RCAN2: variants seen among roughly 807,000 people sequenced by gnomAD.
RCAN2 encodes the protein regulator of calcineurin 2, also known as calcipressin-2.
Under a neutral mutation model 23.6 loss-of-function variants are expected in RCAN2, and 9 were observed. That is an observed-to-expected ratio of 0.38 (90% confidence interval 0.23 to 0.67). The LOEUF is 0.67. Among genes scored for constraint, RCAN2 ranks in the 30% least tolerant of loss-of-function variants. The pLI, the probability that RCAN2 is intolerant of heterozygous loss-of-function variation, is 0.51. For missense variants in RCAN2, 273 were observed against 302.3 expected (o/e 0.90, Z 0.72); for synonymous variants, 109 against 115.7 (o/e 0.94, Z 0.37).
At chr6:46,238,267 C>T (rs1396065941) in intron 4 of RCAN2, among the ~76,000 whole-genome samples, 5 of 152,172 alleles carry the variant, frequency 3.3e-5, no homozygotes, top group African/African-American at 1.2e-4. Flanking sequence ...TCTTTCTGCA[C>T]ACATCGCCGA....
At chr6:46,355,593 A>G (rs1225140412) in intron 2 of RCAN2, among the ~76,000 whole-genome samples, 1 of 152,232 alleles carries the variant, frequency 6.6e-6, no homozygotes, top group Non-Finnish European at 1.5e-5. Context: ...AAAAACACTG[A>G]TGCTCCAACT....
intron 2 of RCAN2, among the ~76,000 whole-genome samples, chr6:46,388,525 A>G (rs1765834028): frequency 1.3e-5 from 2 of 152,190 alleles, no homozygotes; most frequent in Admixed American, 6.5e-5. Context: ...ACTATTTACA[A>G]TAGCAAAGAC....
rs555910049 is a variant in RCAN2, at chr6:46,476,372, T to A, written c.-3+14801A>T. 3.3e-5 allele frequency among the ~76,000 whole-genome samples: 5 copies of A among 152,292 alleles called. No individual in the cohort carries two copies. In the East Asian group the frequency reaches 9.6e-4, roughly 29 times the overall value. On this transcript the variant is annotated intron_variant, in intron 1 of 4. Transcript: ENST00000371374. The stretch of plus-strand genomic sequence containing the variant: ...ATTTTTATGGTTAGGTAAAAAATAA[T>A]CCACTGAATATTAATAACATAATTA...
intron 2 of RCAN2, among the ~76,000 whole-genome samples, chr6:46,400,866 T>C (rs1427372458): frequency 1.3e-5 from 2 of 152,140 alleles, no homozygotes; most frequent in African/African-American, 4.8e-5. Context: ...GAAGGCAAGG[T>C]GCTTTTTAAA....
chr6:46,300,836 G>A (rs1762883226), intron 2 of RCAN2, among the ~76,000 whole-genome samples: 1 of 151,920 alleles, frequency 6.6e-6, no homozygotes, highest in Admixed American at 6.6e-5. Flanking sequence ...AAACTAAAAT[G>A]AGGTCTTATT....
chr6:46,411,558 TACAG>T (rs1335662167), intron 2 of RCAN2, among the ~76,000 whole-genome samples: 2 of 152,242 alleles, frequency 1.3e-5, no homozygotes, highest in African/African-American at 2.4e-5. Flanking sequence ...AAGAAAACAG[TACAG>T]ACAAAGTTCT....
intron 4 of RCAN2, among the ~76,000 whole-genome samples, chr6:46,224,552 C>G (rs559437621): frequency 2.6e-5 from 4 of 152,158 alleles, no homozygotes; most frequent in Non-Finnish European, 5.9e-5. Flanking sequence ...ACCAAAATAG[C>G]TACTTTTACT....
intron 2 of RCAN2, among the ~76,000 whole-genome samples, chr6:46,315,776 C>T (rs2150359130): frequency 6.6e-6 from 1 of 152,278 alleles, no homozygotes; most frequent in East Asian, 1.9e-4. Context: ...ACAGCAACTT[C>T]CTGGAGGCTT....
rs1439077141 is a variant in RCAN2, at chr6:46,320,787, G to A, written c.226-71891C>T. On this transcript the variant is annotated intron_variant, in intron 2 of 4. Coordinates refer to ENST00000371374, the MANE Select transcript of RCAN2 (RefSeq NM_001251974.2). Reference sequence around the variant, plus strand: ...TTCCAAGCATATGAAGAATTACTGTGCTGAAAACACACTTCTACTTGTATT... The same window carrying A: ...TTCCAAGCATATGAAGAATTACTGTACTGAAAACACACTTCTACTTGTATT... Among the ~76,000 whole-genome samples, 5 of 152,312 alleles carry A rather than the reference G, an allele frequency of 3.3e-5. No homozygotes were observed. In the East Asian group the frequency reaches 9.6e-4, roughly 29 times the overall value.
chr6:46,368,507 T>C (rs1765237605), intron 2 of RCAN2, among the ~76,000 whole-genome samples: 1 of 152,132 alleles, frequency 6.6e-6, no homozygotes, highest in South Asian at 2.1e-4. Context: ...CATCATAGAG[T>C]GTACTTACAC....
rs148961182 is a variant in RCAN2 at position 46,458,247 on chromosome 6, A to G, written c.-2-1269T>C. 3.2e-4 allele frequency among the ~76,000 whole-genome samples: 48 copies of G among 152,346 alleles called. No individual in the cohort carries two copies. The East Asian group carries it at 9.1e-3, about 29-fold the overall frequency. On this transcript the variant is annotated intron_variant, in intron 1 of 4. Coordinates refer to ENST00000371374, the MANE Select transcript of RCAN2 (RefSeq NM_001251974.2). ...CTAGATACAAATTCCAGATCCCCAG[A>G]CAAAATATCAGTTTCTGCTTATCTC...
intron 2 of RCAN2, among the ~76,000 whole-genome samples, chr6:46,422,713 A>G (rs1766917443): frequency 6.6e-6 from 1 of 152,200 alleles, no homozygotes. Context: ...AGCCAAGGCT[A>G]TGGGAACAAT....
chr6:46,470,380 C>T (rs1245504129), intron 1 of RCAN2, among the ~76,000 whole-genome samples: 2 of 152,214 alleles, frequency 1.3e-5, no homozygotes, highest in Non-Finnish European at 2.9e-5. Context: ...CAGCCAACAA[C>T]ATTGAAGTGC....
At chr6:46,300,757 G>A (rs1320441141) in intron 2 of RCAN2, among the ~76,000 whole-genome samples, 3 of 151,902 alleles carry the variant, frequency 2.0e-5, no homozygotes, top group Non-Finnish European at 4.4e-5. Context: ...TTAAATTCTT[G>A]TCAATGATTA....
chr6:46,303,735 A>T (rs1361592944), intron 2 of RCAN2, among the ~76,000 whole-genome samples: 1 of 152,068 alleles, frequency 6.6e-6, no homozygotes, highest in Non-Finnish European at 1.5e-5. Context: ...TTTTGTGTAA[A>T]TGGAATGATA....
intron 2 of RCAN2, among the ~76,000 whole-genome samples, chr6:46,399,576 C>G (rs1370106401): frequency 6.6e-6 from 1 of 151,822 alleles, no homozygotes; most frequent in Non-Finnish European, 1.5e-5. Context: ...AACAGGGTGT[C>G]AGGAGGGTTG....
intron 4 of RCAN2, among the ~76,000 whole-genome samples, chr6:46,227,499 CTGTT>C (rs928380099): frequency 1.2e-4 from 18 of 151,620 alleles, no homozygotes; most frequent in African/African-American, 3.6e-4. Context: ...CAACTTCTTT[CTGTT>C]TAAGTCTTGG....
intron 2 of RCAN2, among the ~76,000 whole-genome samples, chr6:46,420,569 G>A (rs1717571639): frequency 1.4e-5 from 2 of 147,322 alleles, no homozygotes; most frequent in Admixed American, 1.4e-4. Flanking sequence ...TTTTGAGATG[G>A]TGTCTCACTC....
At chr6:46,323,100 G>A (rs945596510) in intron 2 of RCAN2, among the ~76,000 whole-genome samples, 11 of 152,056 alleles carry the variant, frequency 7.2e-5, no homozygotes, top group Non-Finnish European at 1.5e-4. Context: ...GGGGTGGGAG[G>A]GAAAACATTT....
Sources: allele counts gnomAD v4.1 joint callset (sites outside exome capture counted in the v4.1 genomes callset), GRCh38; gene constraint gnomAD v4.1.1; transcripts MANE v1.5; gene names NCBI Gene and HGNC (gene_info 2026-07-23, HGNC 2026-07-21).